The following RYR2 variants were observed in gnomAD, a reference collection of about 807,000 sequenced individuals.
The protein encoded by RYR2 is cardiac muscle ryanodine receptor-calcium release channel.
A neutral mutation model predicts 601.1 loss-of-function variants in RYR2; 227 were observed. The ratio of observed to expected loss-of-function variants is 0.38; its 90% CI spans 0.34 to 0.42. RYR2 has a LOEUF of 0.42. Ranked by LOEUF, RYR2 falls within the 10% of genes least tolerant of loss-of-function variation. RYR2 has a pLI of 1.00. For synonymous variants in RYR2, 2,223 were observed against 2,175.1 expected, an observed-to-expected ratio of 1.02 and a Z score of -0.61; for missense variants, 4,646 against 6,156.5, an observed-to-expected ratio of 0.75 and a Z score of 8.21.
chr1:237,583,641 G>C (rs1674179353), intron 29 of RYR2, among the ~76,000 whole-genome samples: 1 of 152,000 alleles, frequency 6.6e-6, no homozygotes, highest in Non-Finnish European at 1.5e-5. Context: ...TGGCCATTTG[G>C]TTTGGGTTAT....
At chr1:237,796,422 C>T (rs921665052) in intron 96 of RYR2, among the ~76,000 whole-genome samples, 1 of 152,112 alleles carries the variant, frequency 6.6e-6, no homozygotes, top group African/African-American at 2.4e-5. Context: ...CGAGAGAATC[C>T]CCCGGCTCAA....
intron 13 of RYR2, among the ~76,000 whole-genome samples, chr1:237,443,448 A>G (rs562770250): frequency 2.6e-5 from 4 of 152,206 alleles, no homozygotes; most frequent in Non-Finnish European, 5.9e-5. Context: ...TTATTAATAA[A>G]GAAGATAAAA....
chr1:237,228,235 T>C (rs1345466828), intron 1 of RYR2, among the ~76,000 whole-genome samples: 5 of 152,210 alleles, frequency 3.3e-5, no homozygotes, highest in Non-Finnish European at 5.9e-5. Flanking sequence ...GTTTGCTTTT[T>C]TATTCCTGAG....
intron 10 of RYR2, among the ~76,000 whole-genome samples, chr1:237,395,148 CTT>C (rs1702711112): frequency 6.6e-6 from 1 of 152,128 alleles, no homozygotes; most frequent in Admixed American, 6.5e-5. Context: ...ATATCACCAT[CTT>C]TTAAGATCTC....
rs531531351 is a variant in RYR2 at position 237,779,972 on chromosome 1, AAGTT to A, written c.11880+1213_11880+1216del. Among the ~76,000 whole-genome samples the A allele has an allele frequency of 2.0e-4, 30 of 152,276 alleles. No homozygotes were observed. In the South Asian group the frequency reaches 3.5e-3, roughly 18 times the overall value. ...TATGTCTGCTAACTGGCAATTGTCA[AAGTT>A]AGTTAGTTAGGATTCTGTCCTCCAG... On this transcript the variant is annotated intron_variant, in intron 88 of 104. Transcript: ENST00000366574.
intron 17 of RYR2, among the ~76,000 whole-genome samples, chr1:237,478,382 G>C (rs148991569): frequency 1.3e-5 from 2 of 152,104 alleles, no homozygotes; most frequent in Non-Finnish European, 2.9e-5. Context: ...AAAAATATCT[G>C]CCTCAAAGTG....
chr1:237,213,087 T>A (rs1682769639), intron 1 of RYR2, among the ~76,000 whole-genome samples: 1 of 152,104 alleles, frequency 6.6e-6, no homozygotes, highest in African/African-American at 2.4e-5. Context: ...GTTATTATTA[T>A]TAACCATTTT....
intron 1 of RYR2, among the ~76,000 whole-genome samples, chr1:237,258,572 A>G (rs1356266338): frequency 6.6e-6 from 1 of 152,218 alleles, no homozygotes; most frequent in Non-Finnish European, 1.5e-5. Flanking sequence ...AGGCATATCT[A>G]TATATTCTTT....
intron 76 of RYR2, among the ~76,000 whole-genome samples, chr1:237,728,927 G>A (rs1690439892): frequency 1.3e-5 from 2 of 151,976 alleles, no homozygotes; most frequent in Admixed American, 1.3e-4. Context: ...TTCTGCACAT[G>A]TATCCCAGAA....
intron 1 of RYR2, among the ~76,000 whole-genome samples, chr1:237,044,210 A>T (rs1572429773): frequency 6.6e-6 from 1 of 151,832 alleles, no homozygotes; most frequent in African/African-American, 2.4e-5. Context: ...AGTAATTAAC[A>T]CCACATTAGA....
At chr1:237,525,977 CA>C (rs200534597) in intron 24 of RYR2, among the ~76,000 whole-genome samples, 34,223 of 103,396 alleles carry the variant, frequency 0.33, 4,469 homozygotes, top group South Asian at 0.47. Flanking sequence ...CAAAACTCCT[CA>C]AAAAAAAAAA....
At chr1:237,700,790 T>C (rs1010032626) in intron 65 of RYR2, among the ~76,000 whole-genome samples, 2 of 152,190 alleles carry the variant, frequency 1.3e-5, no homozygotes, top group East Asian at 1.9e-4. Context: ...AGTTGAACCA[T>C]ATAACATGCA....
intron 10 of RYR2, among the ~76,000 whole-genome samples, chr1:237,409,359 G>C (rs1704214046): frequency 6.6e-6 from 1 of 151,910 alleles, no homozygotes; most frequent in Non-Finnish European, 1.5e-5. Flanking sequence ...CTGAGAATTT[G>C]TATTATTAAT....
chr1:237,766,210 A>C (rs1204651532), intron 84 of RYR2, among the ~76,000 whole-genome samples: 1 of 152,214 alleles, frequency 6.6e-6, no homozygotes, highest in Non-Finnish European at 1.5e-5. Context: ...ACTTTATCTG[A>C]GGCCACAGAG....
intron 71 of RYR2, among the ~76,000 whole-genome samples, chr1:237,716,754 CCA>C (rs72260792): frequency 0.043 from 6,324 of 148,228 alleles, 372 homozygotes; most frequent in African/African-American, 0.13. Flanking sequence ...ATATATTAGA[CCA>C]CACACACACA....
At position 237,099,575 on chromosome 1, in the gene RYR2, G is replaced by A. The variant is rs1667856585; in HGVS notation, c.48+57006G>A. Among the ~76,000 whole-genome samples the A allele has an allele frequency of 3.3e-5, 5 of 152,150 alleles. No homozygotes were observed. In the South Asian group the frequency reaches 1.0e-3, roughly 32 times the overall value. On this transcript the variant is annotated intron_variant, in intron 1 of 104. Coordinates refer to ENST00000366574, the MANE Select transcript of RYR2 (RefSeq NM_001035.3). ...CTTTGACAGCTCTTTGCCATTGGTT[G>A]CAAGATGAATCCAAGGGGAGGGCAT... is the stretch of plus-strand genomic sequence containing the variant.
At chr1:237,716,159 C>T (rs1224171512) in intron 71 of RYR2, among the ~76,000 whole-genome samples, 1 of 151,924 alleles carries the variant, frequency 6.6e-6, no homozygotes, top group Non-Finnish European at 1.5e-5. Flanking sequence ...AATATATAAG[C>T]TATCATTGCT....
At chr1:237,351,046 A>G (rs974518483) in intron 3 of RYR2, among the ~76,000 whole-genome samples, 1 of 152,166 alleles carries the variant, frequency 6.6e-6, no homozygotes, top group African/African-American at 2.4e-5. Flanking sequence ...GGTTTGAAAT[A>G]AGAGTGTATT....
chr1:237,309,592 G>T (rs568964100), intron 2 of RYR2, among the ~76,000 whole-genome samples: 1 of 152,366 alleles, frequency 6.6e-6, no homozygotes, highest in East Asian at 1.9e-4. Flanking sequence ...CACAAGGGCC[G>T]CAGGCGGAGC....
Sources: allele counts gnomAD v4.1 joint callset (sites outside exome capture counted in the v4.1 genomes callset), GRCh38; gene constraint gnomAD v4.1.1; transcripts MANE v1.5; gene names NCBI Gene and HGNC (gene_info 2026-07-23, HGNC 2026-07-21).